The following USP34 variants were observed in gnomAD, a reference collection of about 807,000 sequenced individuals.
USP34 encodes ubiquitin carboxyl-terminal hydrolase 34.
A neutral mutation model predicts 460.3 loss-of-function variants in USP34; 70 were observed. The observed-to-expected ratio is 0.15, with a 90% CI of 0.13 to 0.19. The LOEUF (loss-of-function observed/expected upper bound fraction) is 0.19, where lower values mean the gene tolerates loss of function less well. USP34 is among the 10% of genes least tolerant of loss of function. USP34 has a pLI of 1.00. For synonymous variants in USP34, 1,647 were observed against 1,405.3 expected (o/e 1.17, Z -3.85); for missense variants, 3,985 against 4,236.2 (o/e 0.94, Z 1.65).
In USP34 at chr2:61,449,895, G is replaced by A. The variant is rs565146026; in HGVS notation, c.43+20755C>T. Reference sequence around the variant, plus strand: ...AGCCTGGCCAATATGGTGAAACCCCGTCTCTACTAAAAATACAAAAATAAG... The same window carrying A: ...AGCCTGGCCAATATGGTGAAACCCCATCTCTACTAAAAATACAAAAATAAG... On this transcript the variant is annotated intron_variant, in intron 1 of 79. Coordinates refer to ENST00000398571, the MANE Select transcript of USP34 (RefSeq NM_014709.4). Among the ~76,000 whole-genome samples, 52 of 151,944 alleles carry A rather than the reference G, an allele frequency of 3.4e-4. No homozygotes were observed. In the South Asian group the frequency reaches 9.8e-3, roughly 29 times the overall value.
chr2:61,281,141 G>A lies in USP34; in HGVS notation c.5100C>T (p.Ala1700=). Residue 1700 remains alanine, a synonymous_variant, in exon 38 of 80, where the codon GCC becomes GCT. Transcript: ENST00000398571. The part of the protein sequence containing the change: ...SINRSFLLLA[A]STLLKFLPDA... The stretch of plus-strand genomic sequence containing the variant: ...CAGGAAGAAATTTCAATAATGTTGA[G>A]GCAGCCAATAGCAGAAAAGAACGAT... 1 of 1,613,824 alleles carries A rather than the reference G, an allele frequency of 6.2e-7. No individual in the cohort carries two copies. Among genetic ancestry groups the A allele is most frequent in the Non-Finnish European group, 8.5e-7 (1 of 1,179,886 alleles).
At chr2:61,454,415 C>T (rs752087831) in intron 1 of USP34, among the ~76,000 whole-genome samples, 5 of 150,786 alleles carry the variant, frequency 3.3e-5, no homozygotes, top group Non-Finnish European at 5.9e-5. Flanking sequence ...TGAGCCACTG[C>T]GCCCAGCCAG....
At chr2:61,341,360 T>C (rs1258793912) in intron 16 of USP34, among the ~76,000 whole-genome samples, 2 of 152,204 alleles carry the variant, frequency 1.3e-5, no homozygotes, top group Non-Finnish European at 2.9e-5. Flanking sequence ...TTTAACTTTG[T>C]GATAAAGCAG....
intron 42 of USP34, 34 bp from the exon 43 acceptor site, chr2:61,265,591 C>T: frequency 1.3e-6 from 2 of 1,569,798 alleles, no homozygotes; most frequent in South Asian, 1.2e-5. Context: ...AGATCCCCCC[C>T]AAACAAACTA....
chr2:61,380,040 A>G, intron 7 of USP34, 129 bp downstream of exon 7: 1 of 692,370 alleles, frequency 1.4e-6, no homozygotes, highest in South Asian at 3.0e-5. Flanking sequence ...TGTGAAGACC[A>G]TATAAAGTAA....
chr2:61,216,180 T>C (rs1687391356), intron 67 of USP34, among the ~76,000 whole-genome samples: 1 of 152,266 alleles, frequency 6.6e-6, no homozygotes, highest in African/African-American at 2.4e-5. Flanking sequence ...TATACTAGTC[T>C]GCTTAGTCAG....
intron 2 of USP34, among the ~76,000 whole-genome samples, chr2:61,417,719 C>CTTTTTTTTTTTTTTTT (rs201901250): frequency 1.5e-5 from 2 of 130,772 alleles, no homozygotes; most frequent in African/African-American, 2.8e-5. Flanking sequence ...ATACTAAAAT[C>CTTTTTTTTTTTTTTTT]TTTTTTTTTT....
chr2:61,304,439 G>A (rs1342497173), intron 27 of USP34, among the ~76,000 whole-genome samples: 3 of 152,172 alleles, frequency 2.0e-5, no homozygotes, highest in African/African-American at 7.2e-5. Context: ...GAATATAAGT[G>A]TTCCCCAAAT....
intron 10 of USP34, among the ~76,000 whole-genome samples, chr2:61,369,604 T>A (rs1208776399): frequency 8.2e-6 from 1 of 121,834 alleles, no homozygotes; most frequent in East Asian, 2.5e-4. Flanking sequence ...GACTGCGCCA[T>A]GGCATTCCAG....
At chr2:61,268,841 C>T (rs1322010163) in intron 41 of USP34, among the ~76,000 whole-genome samples, 13 of 152,134 alleles carry the variant, frequency 8.5e-5, no homozygotes, top group Admixed American at 8.5e-4. Context: ...GACCATCCTT[C>T]TCACTAATGC....
At chr2:61,201,459 C>T (rs1686974417) in intron 75 of USP34, among the ~76,000 whole-genome samples, 1 of 152,074 alleles carries the variant, frequency 6.6e-6, no homozygotes, top group African/African-American at 2.4e-5. Flanking sequence ...GTGATCCGCC[C>T]GCCTTGGCCT....
At chr2:61,396,779 C>T (rs1226448238) in intron 3 of USP34, among the ~76,000 whole-genome samples, 1 of 152,088 alleles carries the variant, frequency 6.6e-6, no homozygotes, top group Non-Finnish European at 1.5e-5. Context: ...TGAGCCACCT[C>T]GCCCAGTCCT....
At chr2:61,311,476 A>AAGAAAAAGAAAAAAAAGAGAC in intron 27 of USP34, 64 bp downstream of exon 27, 2 of 1,491,500 alleles carry the variant, frequency 1.3e-6, no homozygotes, top group Non-Finnish European at 1.8e-6. Flanking sequence ...AGAAAAGAGA[A>AAGAAAAAGAAAAAAAAGAGAC]AGAGAAAGAG....
chr2:61,398,113 C>T (rs1693593651), intron 3 of USP34, among the ~76,000 whole-genome samples: 1 of 152,040 alleles, frequency 6.6e-6, no homozygotes, highest in South Asian at 2.1e-4. Context: ...GTGGCTCACA[C>T]CTATAATCCC....
chr2:61,265,585 C>G, intron 42 of USP34, 28 bp from the exon 43 acceptor site: 1 of 1,568,848 alleles, frequency 6.4e-7, no homozygotes, highest in East Asian at 2.3e-5. Flanking sequence ...AGGAAAAGAT[C>G]CCCCCCAAAC....
intron 1 of USP34, among the ~76,000 whole-genome samples, chr2:61,441,593 C>A (rs929587651): frequency 2.0e-5 from 3 of 151,912 alleles, no homozygotes; most frequent in African/African-American, 7.3e-5. Flanking sequence ...GGCTGCCCAG[C>A]CTAGGGCTGC....
chr2:61,265,893 G>A, intron 42 of USP34, 91 bp downstream of exon 42: 2 of 1,204,068 alleles, frequency 1.7e-6, no homozygotes, highest in Non-Finnish European at 2.2e-6. Context: ...TAAAGTGTGT[G>A]AAGAGCAGAT....
At chr2:61,249,108 A>G (rs891358488) in intron 48 of USP34, among the ~76,000 whole-genome samples, 1 of 152,236 alleles carries the variant, frequency 6.6e-6, no homozygotes, top group Admixed American at 6.5e-5. Context: ...AAATAGAACA[A>G]TTCTAACAAT....
rs775609661 is a variant in USP34 at position 61,319,274 on chromosome 2, C to G, written c.3067G>C (p.Glu1023Gln). The part of the protein sequence containing the change: ...ILWHCLVEDS[E>Q]CYDDALHWFL... ...CAATGGAGTGCATCATCATAACATT[C>G]AGAATCTTCTACTAAACAATGCCAT... is the stretch of plus-strand genomic sequence containing the variant. The change falls in exon 22 of 80, where the codon GAA becomes CAA. Residue 1023 changes from glutamate to glutamine, a missense_variant. This residue lies in a region of USP34 where 1,114 missense variants were observed against 1,122.5 expected (regional missense o/e 0.99). Coordinates refer to ENST00000398571, the MANE Select transcript of USP34 (RefSeq NM_014709.4). 3.8e-6 allele frequency: 6 copies of G among 1,592,038 alleles called. No homozygotes were observed. The highest frequency in any genetic ancestry group is 5.1e-6 in the Non-Finnish European group (6 of 1,173,624).
Sources: gnomAD v4.1 joint callset for allele counts (sites outside exome capture counted in the v4.1 genomes callset) on GRCh38, gnomAD v4.1.1 for gene constraint, gnomAD v4.1.1 regional missense constraint, MANE v1.5 for transcripts, NCBI Gene and HGNC (gene_info 2026-07-23, HGNC 2026-07-21) for gene names.